The following ASCC3 variants were observed in gnomAD, a reference collection of about 807,000 sequenced individuals.
ASCC3 encodes ASC-1 complex subunit P200.
ASCC3 carries 158 observed loss-of-function variants against 256.3 expected under a neutral mutation model. The ratio of observed to expected loss-of-function variants is 0.62; its 90% confidence interval spans 0.54 to 0.70. ASCC3 has a LOEUF of 0.70. ASCC3 is among the 30% of genes least tolerant of loss of function. ASCC3 has a pLI of 0.00. For synonymous variants in ASCC3, 948 were observed against 883.4 expected, an observed-to-expected ratio of 1.07 and a Z score of -1.30; for missense variants, 2,259 against 2,626.0, an observed-to-expected ratio of 0.86 and a Z score of 3.05.
intron 16 of ASCC3, among the ~76,000 whole-genome samples, chr6:100,656,825 T>C (rs1262135852): frequency 6.6e-6 from 1 of 151,082 alleles, no homozygotes; most frequent in African/African-American, 2.4e-5. Flanking sequence ...GTTGTAAAAC[T>C]TCATAGTTGT....
At chr6:100,594,046 G>C (rs1427478827) in intron 34 of ASCC3, among the ~76,000 whole-genome samples, 1 of 151,880 alleles carries the variant, frequency 6.6e-6, no homozygotes, top group Non-Finnish European at 1.5e-5. Context: ...AATATAAATA[G>C]ACATATAGTG....
rs915996086 is a variant in ASCC3 at position 100,713,952 on chromosome 6, A to G, written c.2151+1510T>C. 6.4e-4 allele frequency among the ~76,000 whole-genome samples: 98 copies of G among 152,204 alleles called. 1 individual carries two copies. The highest frequency in any genetic ancestry group is 1.2e-3 in the Admixed American group (18 of 15,284). ...AGGCTATACGGGACATTCCATTAGA[A>G]TCTTTTTTGAAATGCTTTCAAAAGT... On this transcript the variant is annotated intron_variant, in intron 13 of 41. Transcript: ENST00000369162.
At chr6:100,568,049 ATC>A (rs937624760) in intron 36 of ASCC3, among the ~76,000 whole-genome samples, 8 of 151,860 alleles carry the variant, frequency 5.3e-5, no homozygotes, top group African/African-American at 1.9e-4. Context: ...CCTTGACAAC[ATC>A]TGTTTTTTTT....
At chr6:100,596,392 A>G (rs972468934) in intron 34 of ASCC3, among the ~76,000 whole-genome samples, 7 of 152,092 alleles carry the variant, frequency 4.6e-5, no homozygotes, top group Admixed American at 4.6e-4. Context: ...TATCTTTTTG[A>G]TGTGTTAAAG....
intron 10 of ASCC3, among the ~76,000 whole-genome samples, chr6:100,726,355 TAATA>T (rs1390792954): frequency 1.3e-5 from 2 of 151,924 alleles, no homozygotes; most frequent in Non-Finnish European, 2.9e-5. Flanking sequence ...TAAATTACAA[TAATA>T]AATACAAACG....
intron 4 of ASCC3, among the ~76,000 whole-genome samples, chr6:100,844,644 T>C (rs1582951528): frequency 2.6e-5 from 4 of 152,078 alleles, no homozygotes; most frequent in Admixed American, 2.0e-4. Context: ...ACCTTAAAGA[T>C]TTCTAGCCAA....
At position 100,513,558 on chromosome 6, in the gene ASCC3, G is replaced by T. The variant is rs563821743; in HGVS notation, c.6076-640C>A. 1.1e-4 allele frequency among the ~76,000 whole-genome samples: 17 copies of T among 152,004 alleles called. No homozygotes were observed. The East Asian group carries it at 1.9e-3, about 17-fold the overall frequency. The stretch of plus-strand genomic sequence containing the variant: ...ATTTTTTGGCCCATATTTCAAATTT[G>T]CCCTATTTATTCAGAAAAAAATTCT... On this transcript the variant is annotated intron_variant, in intron 39 of 41. Coordinates refer to ENST00000369162, the MANE Select transcript of ASCC3 (RefSeq NM_006828.4).
chr6:100,787,276 TGAAA>T (rs1484576262), intron 8 of ASCC3, among the ~76,000 whole-genome samples: 2 of 152,102 alleles, frequency 1.3e-5, no homozygotes, highest in African/African-American at 2.4e-5. Flanking sequence ...AGGTTGAATT[TGAAA>T]GAGTTTTAAA....
intron 3 of ASCC3, among the ~76,000 whole-genome samples, chr6:100,852,931 T>A (rs1482282355): frequency 2.0e-5 from 3 of 151,914 alleles, no homozygotes; most frequent in Non-Finnish European, 2.9e-5. Flanking sequence ...ACTTTGCAGT[T>A]ATATTGAGAG....
At chr6:100,794,951 C>G (rs1373117730) in intron 8 of ASCC3, among the ~76,000 whole-genome samples, 1 of 152,092 alleles carries the variant, frequency 6.6e-6, no homozygotes, top group Non-Finnish European at 1.5e-5. Flanking sequence ...TAGCATCTTT[C>G]TCATCCTACT....
At chr6:100,852,102 G>GC in intron 3 of ASCC3, among the ~76,000 whole-genome samples, 1 of 152,290 alleles carries the variant, frequency 6.6e-6, no homozygotes, top group South Asian at 2.1e-4. Flanking sequence ...TGCTGGGGCC[G>GC]CAAAGGATGC....
intron 10 of ASCC3, among the ~76,000 whole-genome samples, chr6:100,760,627 T>C (rs561720058): frequency 2.2e-4 from 34 of 152,170 alleles, no homozygotes; most frequent in Middle Eastern, 3.4e-3. Context: ...AGCAAGGAAA[T>C]AGAAGATAGT....
intron 36 of ASCC3, among the ~76,000 whole-genome samples, chr6:100,580,407 T>C (rs1009730207): frequency 1.3e-5 from 2 of 152,002 alleles, no homozygotes; most frequent in African/African-American, 4.8e-5. Flanking sequence ...TATGTTTTGA[T>C]GATAATTGAA....
intron 37 of ASCC3, among the ~76,000 whole-genome samples, chr6:100,527,833 G>A (rs1348569866): frequency 7.1e-6 from 1 of 140,672 alleles, no homozygotes; most frequent in Non-Finnish European, 1.6e-5. Context: ...CATCTTCTTT[G>A]TTTTTTTTTT....
chr6:100,510,199 G>T, intron 40 of ASCC3, 92 bp from the exon 41 acceptor site: 1 of 1,312,462 alleles, frequency 7.6e-7, no homozygotes, highest in Non-Finnish European at 1.1e-6. Flanking sequence ...TTACTTGAAG[G>T]CCATACATCT....
intron 4 of ASCC3, among the ~76,000 whole-genome samples, chr6:100,829,284 G>T (rs375757107): frequency 6.6e-6 from 1 of 152,102 alleles, no homozygotes; most frequent in African/African-American, 2.4e-5. Flanking sequence ...AGCAGGGGGC[G>T]GCGCTCATGG....
rs145786809 is a variant in ASCC3 at position 100,547,067 on chromosome 6, T to C, written c.5551-6680A>G. Among the ~76,000 whole-genome samples the C allele has an allele frequency of 1.5e-3, 232 of 152,066 alleles. 3 individuals carry two copies. Among genetic ancestry groups the C allele is most frequent in the African/African-American group, 5.3e-3 (220 of 41,512 alleles). ...TGGAATTGAACAAGGAGTCCAAAAA[T>C]AACCCACATATACAAGGGCAACTAA... is the stretch of plus-strand genomic sequence containing the variant. On this transcript the variant is annotated intron_variant, in intron 36 of 41. Coordinates refer to ENST00000369162, the MANE Select transcript of ASCC3 (RefSeq NM_006828.4).
intron 40 of ASCC3, 182 bp from the exon 41 acceptor site, chr6:100,510,289 A>G: frequency 1.6e-6 from 1 of 636,426 alleles, no homozygotes; most frequent in South Asian, 1.9e-5. Flanking sequence ...CAATTATTTA[A>G]CTTACTTCAA....
At chr6:100,817,881 A>C (rs1482067345) in intron 4 of ASCC3, among the ~76,000 whole-genome samples, 1 of 152,180 alleles carries the variant, frequency 6.6e-6, no homozygotes, top group Admixed American at 6.5e-5. Context: ...TTACAAAAAG[A>C]GAAGAAAACA....
Sources: gnomAD v4.1 joint callset for allele counts (sites outside exome capture counted in the v4.1 genomes callset) on GRCh38, gnomAD v4.1.1 for gene constraint, MANE v1.5 for transcripts, NCBI Gene and HGNC (gene_info 2026-07-23, HGNC 2026-07-21) for gene names.